The following RIOK2 variants were observed in gnomAD, a reference collection of about 807,000 sequenced individuals.
The protein encoded by RIOK2 is serine/threonine-protein kinase RIO2.
RIOK2 carries 46 observed loss-of-function variants against 62.4 expected under a neutral mutation model. That is an observed-to-expected ratio of 0.74 (90% confidence interval 0.58 to 0.94). RIOK2 has a LOEUF of 0.94. Among genes scored for constraint, RIOK2 ranks in the 40% least tolerant of loss-of-function variants. The pLI is 0.00. For missense variants in RIOK2, 574 were observed against 658.0 expected (o/e 0.87, Z 1.40); for synonymous variants, 197 against 216.0 (o/e 0.91, Z 0.77).
chr5:97,178,632 T>G lies in RIOK2; in HGVS notation c.205+423A>C, dbSNP rs1749243350. On this transcript the variant is annotated intron_variant, in intron 2 of 9. Coordinates refer to ENST00000283109, the MANE Select transcript of RIOK2 (RefSeq NM_018343.3). ...TATGTGCTCTTCTGCAGTACCTACG[T>G]GCTCTTCTGTACTCTACATGCTCTT... Among the ~76,000 whole-genome samples the G allele has an allele frequency of 4.0e-5, 6 of 150,004 alleles. 1 individual carries two copies. Among genetic ancestry groups the G allele is most frequent in the Admixed American group, 4.0e-4 (6 of 15,096 alleles).
At chr5:97,177,509 G>A (rs772025635) in intron 3 of RIOK2, among the ~76,000 whole-genome samples, 5 of 152,090 alleles carry the variant, frequency 3.3e-5, no homozygotes, top group Non-Finnish European at 5.9e-5. Context: ...GGAGTTATTA[G>A]AAGAAAATTA....
rs770086027 is a variant in RIOK2 at position 97,179,077 on chromosome 5, G to A, written c.183C>T (p.Leu61=). ...KVLRELVKHK[L]IAWERTKTVQ... is the part of the protein sequence containing the mutation. ...TACTTTTGGTACGCTCCCAAGCTAT[G>A]AGTTTATGTTTCACTAATTCTCTTA... The change falls in exon 2 of 10, where the codon CTC becomes CTT. Residue 61 remains leucine, a synonymous_variant. Coordinates refer to ENST00000283109, the MANE Select transcript of RIOK2 (RefSeq NM_018343.3). 2.9e-5 allele frequency: 47 copies of A among 1,613,762 alleles called. No individual in the cohort carries two copies. The highest frequency in any genetic ancestry group is 3.7e-5 in the Non-Finnish European group (44 of 1,179,926).
chr5:97,171,539 TATA>T (rs1012578545), intron 5 of RIOK2, 142 bp from the exon 6 acceptor site: 9 of 452,608 alleles, frequency 2.0e-5, no homozygotes, highest in African/African-American at 1.2e-4. Context: ...AGCACACAGA[TATA>T]ATATCTCCCA....
intron 3 of RIOK2, 85 bp from the exon 4 acceptor site, chr5:97,177,376 G>T (rs1561520546): frequency 1.6e-6 from 2 of 1,252,988 alleles, no homozygotes; most frequent in Non-Finnish European, 2.2e-6. Flanking sequence ...AATTTTATTT[G>T]TATCAAAAAT....
chr5:97,176,547 G>A (rs947007419), intron 4 of RIOK2, among the ~76,000 whole-genome samples: 1 of 152,106 alleles, frequency 6.6e-6, no homozygotes, highest in Non-Finnish European at 1.5e-5. Context: ...TCACCTTGTT[G>A]GTCAGGCTGG....
chr5:97,168,096 C>A (rs932654493), intron 7 of RIOK2, 105 bp from the exon 8 acceptor site: 6 of 1,140,036 alleles, frequency 5.3e-6, no homozygotes, highest in South Asian at 2.2e-5. Context: ...AGTTTAATAG[C>A]TTATATGTTA....
At chr5:97,174,166 C>T (rs1240289161) in intron 4 of RIOK2, among the ~76,000 whole-genome samples, 1 of 152,112 alleles carries the variant, frequency 6.6e-6, no homozygotes, top group African/African-American at 2.4e-5. Context: ...CGTCTGTAAC[C>T]CCAGCAATTT....
At chr5:97,176,579 G>A (rs1012079917) in intron 4 of RIOK2, among the ~76,000 whole-genome samples, 10 of 152,180 alleles carry the variant, frequency 6.6e-5, no homozygotes, top group Admixed American at 1.3e-4. Context: ...CAAGTAATCC[G>A]CCCACCTCGG....
At chr5:97,164,331 T>C (rs903101131) in intron 9 of RIOK2, among the ~76,000 whole-genome samples, 1 of 151,942 alleles carries the variant, frequency 6.6e-6, no homozygotes, top group African/African-American at 2.4e-5. Flanking sequence ...TGAAACCTTG[T>C]CTCTACTAAA....
intron 4 of RIOK2, among the ~76,000 whole-genome samples, chr5:97,174,409 G>C (rs1749106298): frequency 6.6e-6 from 1 of 151,174 alleles, no homozygotes; most frequent in Non-Finnish European, 1.5e-5. Context: ...GATAGAGCAA[G>C]ACTACACCTC....
intron 1 of RIOK2, among the ~76,000 whole-genome samples, chr5:97,179,462 A>G (rs1749275772): frequency 6.6e-6 from 1 of 152,154 alleles, no homozygotes; most frequent in Non-Finnish European, 1.5e-5. Flanking sequence ...ATACTTGATG[A>G]CACCTAAACA....
intron 9 of RIOK2, among the ~76,000 whole-genome samples, chr5:97,163,685 A>C (rs542828073): frequency 3.7e-4 from 57 of 152,232 alleles, no homozygotes; most frequent in Non-Finnish European, 6.5e-4. Context: ...TTGATCATAA[A>C]TTCAAGTTAC....
intron 4 of RIOK2, among the ~76,000 whole-genome samples, chr5:97,174,558 C>T (rs1053607884): frequency 6.6e-6 from 1 of 152,060 alleles, no homozygotes; most frequent in African/African-American, 2.4e-5. Flanking sequence ...CACCAAGAAA[C>T]GCAGTCAGGA....
At position 97,167,458 on chromosome 5, in the gene RIOK2, A is replaced by G. The variant is rs1353488877; in HGVS notation, c.1397+9T>C. On this transcript the variant is annotated intron_variant, in intron 8 of 9. Coordinates refer to ENST00000283109, the MANE Select transcript of RIOK2 (RefSeq NM_018343.3). ...CTAAAGTTAAAAAGCAATCGACAGA[A>G]GTCTATACCTGAAAGGCCTGAATTC... The G allele has an allele frequency of 6.2e-7, 1 of 1,609,044 alleles. No homozygotes were observed. Among genetic ancestry groups the G allele is most frequent in the Admixed American group, 1.7e-5 (1 of 59,028 alleles).
chr5:97,168,471 T>C (rs1333068398), intron 7 of RIOK2, among the ~76,000 whole-genome samples: 3 of 152,226 alleles, frequency 2.0e-5, no homozygotes, highest in Non-Finnish European at 4.4e-5. Context: ...TTGGTGTTAT[T>C]CCTTATGAAT....
chr5:97,167,762 T>G lies in RIOK2; in HGVS notation c.1102A>C (p.Arg368=). Residue 368 remains arginine, a synonymous_variant, in exon 8 of 10, where the codon AGA becomes CGA. Coordinates refer to ENST00000283109, the MANE Select transcript of RIOK2 (RefSeq NM_018343.3). The part of the protein sequence containing the change: ...CLEESEGCYC[R]SSGDPEQIKE... ...ATTTGTTCAGGGTCTCCAGATGATCTGCAATAGCAGCCCTCTGATTCTTCT... is the reference window on the plus strand; with the variant it reads ...ATTTGTTCAGGGTCTCCAGATGATCGGCAATAGCAGCCCTCTGATTCTTCT... 1 of 1,614,152 alleles carries G rather than the reference T, an allele frequency of 6.2e-7. No individual in the cohort carries two copies.
intron 9 of RIOK2, among the ~76,000 whole-genome samples, 178 bp from the exon 10 acceptor site, chr5:97,163,403 T>C (rs1748756101): frequency 6.6e-6 from 1 of 152,196 alleles, no homozygotes; most frequent in Non-Finnish European, 1.5e-5. Context: ...ACAGATTATA[T>C]AGCAAAAAAT....
intron 4 of RIOK2, among the ~76,000 whole-genome samples, chr5:97,174,506 C>T (rs933127260): frequency 1.3e-5 from 2 of 151,944 alleles, no homozygotes; most frequent in Non-Finnish European, 2.9e-5. Context: ...CTCTTTAATC[C>T]ACCTGTACAG....
rs1187670420 is a variant in RIOK2 at position 97,167,386 on chromosome 5, A to G, written c.1397+81T>C. The G allele has an allele frequency of 3.9e-6, 6 of 1,533,100 alleles. No homozygotes were observed. The East Asian group carries it at 1.4e-4, about 35-fold the overall frequency. The allele number at this position is 1,533,100 out of a possible 1,614,324, so 95.0% of individuals were successfully genotyped here. The stretch of plus-strand genomic sequence containing the variant: ...GAATACAATTTTGTCACATCATTTG[A>G]AAAAAACATTCTTTTACTAGAATCT... On this transcript the variant is annotated intron_variant, in intron 8 of 9. Coordinates refer to ENST00000283109, the MANE Select transcript of RIOK2 (RefSeq NM_018343.3).
Sources: gnomAD v4.1 joint callset for allele counts (sites outside exome capture counted in the v4.1 genomes callset) on GRCh38, gnomAD v4.1.1 for gene constraint, MANE v1.5 for transcripts, NCBI Gene and HGNC (gene_info 2026-07-23, HGNC 2026-07-21) for gene names.